Variants in NRXN1 observed in about 807,000 individuals in gnomAD.
NRXN1 encodes neurexin-1.
In NRXN1, 39 loss-of-function variants were observed where a neutral mutation model predicts 150.9. The ratio of observed to expected loss-of-function variants is 0.26; its 90% CI spans 0.20 to 0.34. The LOEUF (loss-of-function observed/expected upper bound fraction) is 0.34. Ranked by LOEUF, NRXN1 falls within the 10% of genes least tolerant of loss-of-function variation. NRXN1 has a pLI of 1.00. For missense variants in NRXN1, 1,815 were observed against 1,949.9 expected (o/e 0.93, Z 1.30); for synonymous variants, 924 against 757.0 (o/e 1.22, Z -3.62).
chr2:50,235,850 A>G (rs528968425), intron 18 of NRXN1, among the ~76,000 whole-genome samples: 1 of 152,196 alleles, frequency 6.6e-6, no homozygotes, highest in East Asian at 1.9e-4. Context: ...GAAATCTTCC[A>G]AAAGATAGAC....
At chr2:50,282,402 T>C (rs1274669498) in intron 17 of NRXN1, among the ~76,000 whole-genome samples, 1 of 152,176 alleles carries the variant, frequency 6.6e-6, no homozygotes, top group African/African-American at 2.4e-5. Context: ...GTTGGAATTG[T>C]GCAGGTCCAC....
At chr2:50,638,614 A>T (rs1352284798) in intron 5 of NRXN1, among the ~76,000 whole-genome samples, 1 of 152,146 alleles carries the variant, frequency 6.6e-6, no homozygotes, top group Admixed American at 6.6e-5. Context: ...GGTCTCATGG[A>T]TAGGACGCAT....
chr2:50,190,350 C>T (rs2061365752), intron 18 of NRXN1, among the ~76,000 whole-genome samples: 1 of 152,100 alleles, frequency 6.6e-6, no homozygotes, highest in South Asian at 2.1e-4. Context: ...ATATGCTTTT[C>T]TCAGGGATGC....
chr2:50,820,769 C>A (rs576954878), intron 5 of NRXN1, among the ~76,000 whole-genome samples: 2 of 152,154 alleles, frequency 1.3e-5, no homozygotes, highest in Non-Finnish European at 2.9e-5. Context: ...TTCCAGATGT[C>A]GCCTCTCTGT....
At chr2:50,107,308 A>G (rs1701786785) in intron 18 of NRXN1, among the ~76,000 whole-genome samples, 1 of 150,944 alleles carries the variant, frequency 6.6e-6, no homozygotes, top group Non-Finnish European at 1.5e-5. Context: ...CTAAAACTCT[A>G]CTAGAACTTT....
intron 21 of NRXN1, among the ~76,000 whole-genome samples, chr2:50,051,509 CAG>C (rs953938960): frequency 1.3e-5 from 2 of 152,008 alleles, no homozygotes; most frequent in African/African-American, 4.8e-5. Flanking sequence ...TTTCCTGTAT[CAG>C]ATTTACTGTA....
chr2:50,394,007 T>TGAAA (rs1326648874), intron 17 of NRXN1, among the ~76,000 whole-genome samples: 2 of 152,178 alleles, frequency 1.3e-5, no homozygotes, highest in African/African-American at 4.8e-5. Context: ...TTCTCTTTTT[T>TGAAA]GAAACACTTT....
At chr2:49,933,329 G>A (rs1216046898) in intron 22 of NRXN1, among the ~76,000 whole-genome samples, 2 of 151,978 alleles carry the variant, frequency 1.3e-5, no homozygotes, top group Non-Finnish European at 2.9e-5. Flanking sequence ...CTCATGATCC[G>A]CCCGCCTCGG....
At chr2:50,376,827 C>A (rs1368597310) in intron 17 of NRXN1, among the ~76,000 whole-genome samples, 2 of 152,080 alleles carry the variant, frequency 1.3e-5, no homozygotes, top group African/African-American at 4.8e-5. Flanking sequence ...CCATTCCAAT[C>A]CCCTTGATTT....
At chr2:50,339,626 A>AG (rs1331691658) in intron 17 of NRXN1, among the ~76,000 whole-genome samples, 13 of 152,322 alleles carry the variant, frequency 8.5e-5, no homozygotes, top group Admixed American at 4.6e-4. Context: ...AAGTCTGTAC[A>AG]GGAATCATCA....
chr2:49,987,135 T>C (rs1286000764), intron 21 of NRXN1, among the ~76,000 whole-genome samples: 2 of 152,182 alleles, frequency 1.3e-5, no homozygotes, highest in African/African-American at 2.4e-5. Context: ...CTTATCTAAC[T>C]GTAATTTTGT....
chr2:50,030,682 A>G (rs1689053480), intron 21 of NRXN1, among the ~76,000 whole-genome samples: 1 of 152,170 alleles, frequency 6.6e-6, no homozygotes, highest in Admixed American at 6.6e-5. Flanking sequence ...AAACATTCAT[A>G]GAGAATATAC....
intron 18 of NRXN1, among the ~76,000 whole-genome samples, chr2:50,152,461 C>T (rs2058752279): frequency 6.6e-6 from 1 of 151,722 alleles, no homozygotes; most frequent in Non-Finnish European, 1.5e-5. Context: ...TCCAAGGCCC[C>T]CAGTGCACAC....
chr2:50,763,334 C>A lies in NRXN1; in HGVS notation c.833-139719G>T, dbSNP rs1702029686. On this transcript the variant is annotated intron_variant, in intron 5 of 22. Coordinates refer to ENST00000401669, the MANE Select transcript of NRXN1 (RefSeq NM_001330078.2). ...TACCTGCTATTTTACCATTGCTTGC[C>A]TGTAATTTAATTTATCTTGGCCTCA... Among the ~76,000 whole-genome samples, 3 of 152,062 alleles carry A rather than the reference C, an allele frequency of 2.0e-5. No individual in the cohort carries two copies. In the South Asian group the frequency reaches 6.2e-4, roughly 32 times the overall value.
At chr2:50,334,733 C>A (rs1048139514) in intron 17 of NRXN1, among the ~76,000 whole-genome samples, 1 of 152,200 alleles carries the variant, frequency 6.6e-6, no homozygotes, top group African/African-American at 2.4e-5. Context: ...TCACTATTAT[C>A]TGTTATCTAG....
intron 2 of NRXN1, among the ~76,000 whole-genome samples, chr2:50,934,729 G>A (rs1688265224): frequency 1.3e-5 from 2 of 152,160 alleles, no homozygotes; most frequent in Admixed American, 6.5e-5. Context: ...AATGCATGAT[G>A]GTTTTAAAAG....
rs534322943 is a variant in NRXN1 at position 50,570,797 on chromosome 2, C to T, written c.1321-17772G>A. On this transcript the variant is annotated intron_variant, in intron 8 of 22. Coordinates refer to ENST00000401669, the MANE Select transcript of NRXN1 (RefSeq NM_001330078.2). ...ATCCTGAGTCTTGTTAAAATAAAGACTCAAAGTGCTGCTACAGACTGTAGG... is the reference window on the plus strand; with the variant it reads ...ATCCTGAGTCTTGTTAAAATAAAGATTCAAAGTGCTGCTACAGACTGTAGG... 9.2e-5 allele frequency among the ~76,000 whole-genome samples: 14 copies of T among 152,102 alleles called. No individual in the cohort carries two copies. In the East Asian group the frequency reaches 2.1e-3, roughly 23 times the overall value.
At chr2:50,168,953 G>C (rs2059850517) in intron 18 of NRXN1, among the ~76,000 whole-genome samples, 1 of 152,138 alleles carries the variant, frequency 6.6e-6, no homozygotes, top group South Asian at 2.1e-4. Context: ...TCAGTTAAAA[G>C]TAGATGAAAA....
chr2:50,578,602 T>C (rs1671784027), intron 8 of NRXN1, among the ~76,000 whole-genome samples: 1 of 152,188 alleles, frequency 6.6e-6, no homozygotes, highest in Non-Finnish European at 1.5e-5. Flanking sequence ...CTCATGTGAA[T>C]GTGTGTAGCT....
Sources: allele counts gnomAD v4.1 joint callset (sites outside exome capture counted in the v4.1 genomes callset), GRCh38; gene constraint gnomAD v4.1.1; transcripts MANE v1.5; gene names NCBI Gene and HGNC (gene_info 2026-07-23, HGNC 2026-07-21).